The following TINAG variants were observed in gnomAD, a reference collection of about 807,000 sequenced individuals.
TINAG encodes the protein tubulointerstitial nephritis antigen.
Under a neutral mutation model 72.7 loss-of-function variants are expected in TINAG, and 83 were observed. That is an observed-to-expected ratio of 1.14 (90% confidence interval 0.96 to 1.37). TINAG has a LOEUF of 1.37. TINAG is among the 40% of genes most tolerant of loss of function. The pLI, the probability that TINAG is intolerant of heterozygous loss-of-function variation, is 0.00. For synonymous variants in TINAG, 234 were observed against 189.9 expected (o/e 1.23, Z -1.91); for missense variants, 685 against 576.6 (o/e 1.19, Z -1.93).
intron 4 of TINAG, among the ~76,000 whole-genome samples, chr6:54,342,861 C>T (rs1230572295): frequency 6.6e-6 from 1 of 152,076 alleles, no homozygotes; most frequent in African/African-American, 2.4e-5. Flanking sequence ...ATAGGAGAGA[C>T]AGAGAAGTAA....
intron 9 of TINAG, among the ~76,000 whole-genome samples, chr6:54,373,868 A>C (rs1763701814): frequency 6.6e-6 from 1 of 152,112 alleles, no homozygotes; most frequent in Non-Finnish European, 1.5e-5. Flanking sequence ...TTTTCCCTTA[A>C]AGTTTCTCTT....
At chr6:54,353,461 A>G (rs1785315686) in intron 8 of TINAG, among the ~76,000 whole-genome samples, 1 of 151,888 alleles carries the variant, frequency 6.6e-6, no homozygotes, top group African/African-American at 2.4e-5. Flanking sequence ...ACATTCTTCT[A>G]AAATCTGTAG....
At position 54,320,626 on chromosome 6, in the gene TINAG, G is replaced by A; in HGVS notation, c.403G>A (p.Glu135Lys). 1 of 1,608,200 alleles carries A rather than the reference G, an allele frequency of 6.2e-7. No homozygotes were observed. Among genetic ancestry groups the A allele is most frequent in the South Asian group, 1.1e-5 (1 of 89,806 alleles). ...QHYEEGSVIK[E>K]NCNSCTCSGQ... Reference sequence around the variant, plus strand: ...TTATGAAGAGGGATCAGTAATTAAAGAAAACTGCAACTCCTGGTAATAAAT... The same window carrying A: ...TTATGAAGAGGGATCAGTAATTAAAAAAAACTGCAACTCCTGGTAATAAAT... Residue 135 changes from glutamate to lysine, a missense_variant, in exon 2 of 11, where the codon GAA becomes AAA. Glu to Lys is a moderately conservative substitution (Grantham distance 56, BLOSUM62 1). Transcript: ENST00000259782.
At chr6:54,363,394 T>C (rs2150969064) in intron 9 of TINAG, among the ~76,000 whole-genome samples, 1 of 151,478 alleles carries the variant, frequency 6.6e-6, no homozygotes, top group East Asian at 1.9e-4. Flanking sequence ...CTTGGTAAGA[T>C]GGTGGAAGAG....
At chr6:54,366,409 T>C (rs1763420838) in intron 9 of TINAG, among the ~76,000 whole-genome samples, 2 of 151,690 alleles carry the variant, frequency 1.3e-5, no homozygotes, top group African/African-American at 4.8e-5. Context: ...TTTTAATATC[T>C]AAAATTATAT....
At position 54,374,594 on chromosome 6, in the gene TINAG, A is replaced by G. The variant is rs548850590; in HGVS notation, c.1251-5932A>G. Among the ~76,000 whole-genome samples, 140 of 152,216 alleles carry G rather than the reference A, an allele frequency of 9.2e-4. 1 individual carries two copies. The highest frequency in any genetic ancestry group is 3.3e-3 in the African/African-American group (137 of 41,578). ...TGTATAAGAAAATAAAAGCCTGCAT[A>G]TCTTTTCCTTATTCTTCCTGCAGTT... On this transcript the variant is annotated intron_variant, in intron 9 of 10. Coordinates refer to ENST00000259782, the MANE Select transcript of TINAG (RefSeq NM_014464.4).
At position 54,347,468 on chromosome 6, in the gene TINAG, T is replaced by C; in HGVS notation, c.850T>C (p.Cys284Arg). 1.2e-6 allele frequency: 2 copies of C among 1,613,256 alleles called. No individual in the cohort carries two copies. Reference protein sequence around the residue: ...ISCCAKNRHGCNSGSIDRAWW... With the variant: ...ISCCAKNRHGRNSGSIDRAWW... ...TTGCTGTGCCAAGAACCGTCATGGA[T>C]GCAATAGTGGAAGCATCGATAGGGC... The change falls in exon 6 of 11, where the codon TGC becomes CGC. Residue 284 changes from cysteine to arginine, a missense_variant. Physicochemically the swap from Cys to Arg is radical, Grantham distance 180 (BLOSUM62 -3). Transcript: ENST00000259782.
At chr6:54,320,107 A>G (rs1784455771) in intron 1 of TINAG, among the ~76,000 whole-genome samples, 1 of 152,082 alleles carries the variant, frequency 6.6e-6, no homozygotes, top group South Asian at 2.1e-4. Context: ...AAAAAATAGA[A>G]TTTGTCTTTG....
chr6:54,354,534 A>T lies in TINAG; in HGVS notation c.1148A>T (p.Asp383Val), dbSNP rs544311889. 1.9e-6 allele frequency: 3 copies of T among 1,606,096 alleles called. No individual in the cohort carries two copies. The highest frequency in any genetic ancestry group is 3.4e-5 in the Admixed American group (2 of 58,806). Reference protein sequence around the residue: ...PVQAIMQVREDFFHYKTGIYR... With the variant: ...PVQAIMQVREVFFHYKTGIYR... ...TTAGCCATAATGCAAGTCCGTGAAG[A>T]TTTCTTCCATTATAAGACAGGGATA... Residue 383 changes from aspartate to valine, a missense_variant, in exon 9 of 11, where the codon GAT becomes GTT. Coordinates refer to ENST00000259782, the MANE Select transcript of TINAG (RefSeq NM_014464.4).
chr6:54,385,719 G>A (rs1167118902), intron 10 of TINAG, among the ~76,000 whole-genome samples: 1 of 151,834 alleles, frequency 6.6e-6, no homozygotes, highest in Non-Finnish European at 1.5e-5. Context: ...TATCTCTCAT[G>A]AGCATAAAAT....
At chr6:54,347,916 T>G (rs1785165081) in intron 6 of TINAG, among the ~76,000 whole-genome samples, 1 of 152,036 alleles carries the variant, frequency 6.6e-6, no homozygotes, top group Non-Finnish European at 1.5e-5. Context: ...AGGCTAAACA[T>G]AAGAATAATA....
At chr6:54,309,039 C>T in intron 1 of TINAG, 134 bp downstream of exon 1, 1 of 911,692 alleles carries the variant, frequency 1.1e-6, no homozygotes, top group Middle Eastern at 2.5e-4. Context: ...TGAGAAAATA[C>T]ATTTCTTTGG....
intron 9 of TINAG, among the ~76,000 whole-genome samples, chr6:54,357,310 T>C (rs1323014276): frequency 2.6e-5 from 4 of 151,922 alleles, no homozygotes; most frequent in African/African-American, 9.7e-5. Flanking sequence ...CTGTGTCTGG[T>C]GAGCTCATCA....
At chr6:54,351,434 T>A in intron 8 of TINAG, 37 bp downstream of exon 8, 9 of 1,590,672 alleles carry the variant, frequency 5.7e-6, no homozygotes, top group Non-Finnish European at 7.7e-6. Context: ...TCTTACTCAT[T>A]CCTTTAATAA....
intron 4 of TINAG, among the ~76,000 whole-genome samples, chr6:54,334,328 C>T (rs574149466): frequency 6.6e-6 from 1 of 152,288 alleles, no homozygotes; most frequent in Admixed American, 6.5e-5. Flanking sequence ...TTATTGTTTC[C>T]TGTTGGATGA....
At chr6:54,364,200 C>T (rs559793902) in intron 9 of TINAG, among the ~76,000 whole-genome samples, 4 of 151,422 alleles carry the variant, frequency 2.6e-5, no homozygotes, top group African/African-American at 7.3e-5. Context: ...GGTAATAGTA[C>T]CTTTCTGCCC....
intron 9 of TINAG, among the ~76,000 whole-genome samples, chr6:54,358,244 T>C (rs1763115887): frequency 6.6e-6 from 1 of 151,848 alleles, no homozygotes; most frequent in South Asian, 2.1e-4. Flanking sequence ...CCCTACCTGC[T>C]TTATTTTTAA....
chr6:54,322,595 T>C (rs140007205), intron 3 of TINAG, among the ~76,000 whole-genome samples: 1 of 152,324 alleles, frequency 6.6e-6, no homozygotes, highest in African/African-American at 2.4e-5. Context: ...TCCTTCCACA[T>C]ATAACATGTT....
chr6:54,321,509 G>C (rs577479344), intron 3 of TINAG, 123 bp downstream of exon 3: 6 of 661,196 alleles, frequency 9.1e-6, no homozygotes, highest in African/African-American at 7.3e-5. Flanking sequence ...GAAATAGGAA[G>C]GGAGATAGAA....
Sources: gnomAD v4.1 joint callset for allele counts (sites outside exome capture counted in the v4.1 genomes callset) on GRCh38, gnomAD v4.1.1 for gene constraint, MANE v1.5 for transcripts, NCBI Gene and HGNC (gene_info 2026-07-23, HGNC 2026-07-21) for gene names.